Variants in CCDC73 observed in about 807,000 individuals in gnomAD.
CCDC73 encodes coiled-coil domain containing 73.
CCDC73 carries 95 observed loss-of-function variants against 116.5 expected under a neutral mutation model. That is an observed-to-expected ratio of 0.82 (90% CI 0.69 to 0.97). The LOEUF (loss-of-function observed/expected upper bound fraction) is 0.97. Ranked by LOEUF, CCDC73 falls within the 50% of genes least tolerant of loss-of-function variation. CCDC73 has a pLI of 0.00. For synonymous variants in CCDC73, 398 were observed against 401.3 expected (o/e 0.99, Z 0.10); for missense variants, 1,066 against 1,206.8 (o/e 0.88, Z 1.73).
At chr11:32,684,439 A>G (rs1173688315) in intron 6 of CCDC73, among the ~76,000 whole-genome samples, 1 of 152,206 alleles carries the variant, frequency 6.6e-6, no homozygotes, top group Non-Finnish European at 1.5e-5. Flanking sequence ...AATCCATTTT[A>G]CTTAATATAT....
chr11:32,649,421 C>A (rs1435975992), intron 12 of CCDC73, among the ~76,000 whole-genome samples: 1 of 152,198 alleles, frequency 6.6e-6, no homozygotes, highest in African/African-American at 2.4e-5. Flanking sequence ...TATTTCCTAT[C>A]ATGAGAATTT....
intron 2 of CCDC73, among the ~76,000 whole-genome samples, chr11:32,756,833 G>A (rs1206206309): frequency 2.6e-5 from 4 of 151,894 alleles, no homozygotes; most frequent in African/African-American, 9.7e-5. Flanking sequence ...TAAATAAAAA[G>A]ATCTCTTCAG....
the CCDC73 span, among the ~76,000 whole-genome samples, chr11:32,822,622 G>GT: frequency 2.0e-5 from 3 of 151,990 alleles, no homozygotes; most frequent in Admixed American, 6.6e-5. Flanking sequence ...ATATTTGGCT[G>GT]TTTTTTTTAT....
At chr11:32,814,626 A>C in the CCDC73 span, among the ~76,000 whole-genome samples, 1 of 152,240 alleles carries the variant, frequency 6.6e-6, no homozygotes, top group Non-Finnish European at 1.5e-5. Flanking sequence ...TGGCAGTTCC[A>C]TAAAAAGTTA....
chr11:32,809,700 A>G, the CCDC73 span, among the ~76,000 whole-genome samples: 1 of 152,180 alleles, frequency 6.6e-6, no homozygotes, highest in Non-Finnish European at 1.5e-5. Context: ...AGGAATATAT[A>G]CATTTCTTTG....
At chr11:32,645,307 T>TG (rs1855768335) in intron 12 of CCDC73, among the ~76,000 whole-genome samples, 1 of 149,728 alleles carries the variant, frequency 6.7e-6, no homozygotes, top group Non-Finnish European at 1.5e-5. Context: ...TTTTTTTTTT[T>TG]TTGAGACAAA....
chr11:32,743,406 T>G (rs1401743292), intron 2 of CCDC73, among the ~76,000 whole-genome samples: 1 of 152,070 alleles, frequency 6.6e-6, no homozygotes, highest in Non-Finnish European at 1.5e-5. Context: ...CACAACTACA[T>G]GGAACAACCT....
chr11:32,645,479 CGGGGTTT>C (rs1194348126), intron 12 of CCDC73, among the ~76,000 whole-genome samples: 1 of 151,716 alleles, frequency 6.6e-6, no homozygotes, highest in Non-Finnish European at 1.5e-5. Flanking sequence ...TTAGTAGAGA[CGGGGTTT>C]CACCATGTTG....
the CCDC73 span, among the ~76,000 whole-genome samples, chr11:32,817,542 C>T: frequency 6.6e-6 from 1 of 152,204 alleles, no homozygotes; most frequent in African/African-American, 2.4e-5. Flanking sequence ...CTTGAACAGT[C>T]TCTGTCTCCA....
At chr11:32,668,752 G>C (rs1856010386) in intron 9 of CCDC73, among the ~76,000 whole-genome samples, 1 of 152,112 alleles carries the variant, frequency 6.6e-6, no homozygotes, top group African/African-American at 2.4e-5. Flanking sequence ...AGATGTTTCT[G>C]ATTTAAGTGT....
chr11:32,673,092 A>G (rs944952456), intron 9 of CCDC73, among the ~76,000 whole-genome samples: 3 of 152,222 alleles, frequency 2.0e-5, no homozygotes, highest in African/African-American at 7.2e-5. Context: ...AAACAACCCA[A>G]TTAAAAAATG....
rs1855440984 is a variant in CCDC73 at position 32,613,497 on chromosome 11, C to T, written c.2821G>A (p.Glu941Lys). 4 of 1,613,764 alleles carry T rather than the reference C, an allele frequency of 2.5e-6. No homozygotes were observed. Among genetic ancestry groups the T allele is most frequent in the African/African-American group, 2.7e-5 (2 of 74,878 alleles). The change falls in exon 16 of 18, where the codon GAA becomes AAA. Residue 941 changes from glutamate to lysine, a missense_variant. By Grantham distance (56) the Glu-to-Lys change is moderately conservative. Coordinates refer to ENST00000335185, the MANE Select transcript of CCDC73 (RefSeq NM_001008391.4). ...GCCATTGAAATGATCTTTTTGTTTT[C>T]TGATGGATCTAGTGGTCTCTCCTTC... ...LLKERPLDPSENKKIISMALC... is the reference protein window; with the variant it reads ...LLKERPLDPSKNKKIISMALC...
At chr11:32,748,413 C>G (rs1024072729) in intron 2 of CCDC73, among the ~76,000 whole-genome samples, 2 of 152,170 alleles carry the variant, frequency 1.3e-5, no homozygotes, top group African/African-American at 4.8e-5. Context: ...AATTACCAAA[C>G]AAGCAAAAGA....
chr11:32,625,998 G>A (rs1415014075), intron 14 of CCDC73, among the ~76,000 whole-genome samples: 1 of 136,734 alleles, frequency 7.3e-6, no homozygotes, highest in Non-Finnish European at 1.6e-5. Flanking sequence ...GGCAGGAGAA[G>A]GAAATAAAGG....
Position 32,613,846 on chromosome 11 carries a change from A to AT in CCDC73, c.2471dup (p.Asn824LysfsTer2), listed in dbSNP as rs751101628. 2.5e-6 allele frequency: 4 copies of AT among 1,613,470 alleles called. No homozygotes were observed. The highest frequency in any genetic ancestry group is 1.3e-5 in the African/African-American group (1 of 74,912). The stretch of plus-strand genomic sequence containing the variant: ...TAATGCTCACAAAAAGGAAGAGGTC[A>AT]TTTTTTGTGGCTTCAGTTACCTGAT... On this transcript the variant is annotated frameshift_variant, in exon 16 of 18. Coordinates refer to ENST00000335185, the MANE Select transcript of CCDC73 (RefSeq NM_001008391.4). LOFTEE classifies it high-confidence loss of function.
chr11:32,714,876 A>G (rs544898199), intron 3 of CCDC73, among the ~76,000 whole-genome samples: 35 of 152,296 alleles, frequency 2.3e-4, no homozygotes, highest in African/African-American at 8.2e-4. Flanking sequence ...TGTATAAAAT[A>G]TAAATCTTAG....
chr11:32,821,006 T>G, the CCDC73 span, among the ~76,000 whole-genome samples: 1 of 152,186 alleles, frequency 6.6e-6, no homozygotes, highest in Non-Finnish European at 1.5e-5. Context: ...ATTTTCCCAA[T>G]TTGTCATTTG....
chr11:32,779,658 C>T (rs1850566063), intron 1 of CCDC73, among the ~76,000 whole-genome samples: 1 of 152,116 alleles, frequency 6.6e-6, no homozygotes, highest in Non-Finnish European at 1.5e-5. Context: ...GGATTACCTT[C>T]CCATTCCTGA....
intron 11 of CCDC73, among the ~76,000 whole-genome samples, chr11:32,653,499 G>A (rs1855845370): frequency 6.6e-6 from 1 of 151,938 alleles, no homozygotes; most frequent in South Asian, 2.1e-4. Context: ...AAGATTTTTT[G>A]GCTTGCCACC....
Sources: allele counts gnomAD v4.1 joint callset (sites outside exome capture counted in the v4.1 genomes callset), GRCh38; gene constraint gnomAD v4.1.1; transcripts MANE v1.5; gene names NCBI Gene and HGNC (gene_info 2026-07-23, HGNC 2026-07-21).